Variants in GNB1 observed in about 807,000 individuals in gnomAD.
The protein encoded by GNB1 is guanine nucleotide-binding protein G(I)/G(S)/G(T) subunit beta-1.
Under a neutral mutation model 42.9 loss-of-function variants are expected in GNB1, and 2 were observed. That is an observed-to-expected ratio of 0.05 (90% CI 0.02 to 0.15). The LOEUF is 0.15. Among genes scored for constraint, GNB1 ranks in the 10% least tolerant of loss-of-function variants. The pLI, the probability that GNB1 is intolerant of heterozygous loss-of-function variation, is 1.00. For synonymous variants in GNB1, 183 were observed against 174.7 expected (o/e 1.05, Z -0.38); for missense variants, 193 against 462.2 (o/e 0.42, Z 5.34).
intron 1 of GNB1, among the ~76,000 whole-genome samples, chr1:1,852,296 TCGGCTCACTGCAAGCTCCGCCTCC>T (rs1210842275): frequency 6.6e-6 from 1 of 151,948 alleles, no homozygotes; most frequent in Non-Finnish European, 1.5e-5. Flanking sequence ...TGGCGCCATC[TCGGCTCACTGCAAGCTCCGCCTCC>T]CGGGTTCACA....
intron 3 of GNB1, among the ~76,000 whole-genome samples, chr1:1,820,580 A>G (rs1646918931): frequency 6.6e-6 from 1 of 152,164 alleles, no homozygotes; most frequent in South Asian, 2.1e-4. Flanking sequence ...AATGAATTTT[A>G]CTGGCAAGTA....
At chr1:1,853,110 CCT>C (rs1396352738) in intron 1 of GNB1, among the ~76,000 whole-genome samples, 2 of 152,106 alleles carry the variant, frequency 1.3e-5, no homozygotes, top group Non-Finnish European at 2.9e-5. Context: ...CCCTCCTGCC[CCT>C]GTGCTCCACT....
chr1:1,812,165 T>G (rs975569606), intron 5 of GNB1, among the ~76,000 whole-genome samples: 1 of 151,504 alleles, frequency 6.6e-6, no homozygotes, highest in African/African-American at 2.4e-5. Flanking sequence ...AATATGAAGA[T>G]TAAAGAAAAT....
chr1:1,824,223 G>C (rs1646968060), intron 3 of GNB1, among the ~76,000 whole-genome samples: 1 of 152,130 alleles, frequency 6.6e-6, no homozygotes, highest in Non-Finnish European at 1.5e-5. Context: ...AGCAGTTTCA[G>C]AAAGGAAACA....
chr1:1,885,675 G>C lies in GNB1; in HGVS notation c.-96+5145C>G, dbSNP rs1570765045. ...GGGTTCACGCCATTCTCCTGCCTCA[G>C]CCTCCCAAGTAGCTGGGACTACAGG... On this transcript the variant is annotated intron_variant, in intron 1 of 11. Transcript: ENST00000378609. 2.1e-5 allele frequency among the ~76,000 whole-genome samples: 3 copies of C among 145,828 alleles called. No individual in the cohort carries two copies. In the South Asian group the frequency reaches 6.6e-4, roughly 32 times the overall value.
At chr1:1,842,304 T>A (rs1018808367) in intron 1 of GNB1, among the ~76,000 whole-genome samples, 2 of 151,880 alleles carry the variant, frequency 1.3e-5, no homozygotes. Context: ...GTGGCGGGCG[T>A]CTGTAGTCCC....
intron 2 of GNB1, among the ~76,000 whole-genome samples, chr1:1,833,121 T>C (rs967833027): frequency 3.3e-5 from 5 of 152,120 alleles, no homozygotes; most frequent in African/African-American, 4.8e-5. Context: ...GAGCCTCCTG[T>C]GCAGCACTGG....
intron 1 of GNB1, among the ~76,000 whole-genome samples, chr1:1,843,672 C>T (rs1437618742): frequency 6.6e-6 from 1 of 152,062 alleles, no homozygotes. Context: ...ACAAGATGAC[C>T]CAAATGTATG....
chr1:1,793,552 G>T, intron 7 of GNB1: 1 of 366,630 alleles, frequency 2.7e-6, no homozygotes, highest in Admixed American at 4.0e-5. Flanking sequence ...TCCGTGATGG[G>T]GGCAGAAGCA....
At chr1:1,801,959 C>A (rs1557887829) in intron 7 of GNB1, among the ~76,000 whole-genome samples, 4 of 152,124 alleles carry the variant, frequency 2.6e-5, no homozygotes, top group Admixed American at 6.6e-5. Flanking sequence ...CAACAAAGAG[C>A]ATTATGAGTG....
chr1:1,810,826 C>T (rs1200907648), intron 5 of GNB1, among the ~76,000 whole-genome samples: 1 of 151,442 alleles, frequency 6.6e-6, no homozygotes, highest in Non-Finnish European at 1.5e-5. Context: ...CACCATGAAG[C>T]CTAGTTAACT....
intron 8 of GNB1, among the ~76,000 whole-genome samples, chr1:1,791,334 G>A (rs552289028): frequency 2.8e-4 from 42 of 152,188 alleles, no homozygotes; most frequent in African/African-American, 9.4e-4. Flanking sequence ...ACCATGCCCG[G>A]CTAATTTTGT....
intron 1 of GNB1, among the ~76,000 whole-genome samples, chr1:1,846,599 T>C (rs1417874552): frequency 1.3e-5 from 2 of 152,160 alleles, no homozygotes; most frequent in South Asian, 2.1e-4. Flanking sequence ...AGAGTCTCAC[T>C]GTCACCCAAG....
At chr1:1,855,986 G>A (rs776684825) in intron 1 of GNB1, among the ~76,000 whole-genome samples, 3 of 152,216 alleles carry the variant, frequency 2.0e-5, no homozygotes, top group Admixed American at 6.5e-5. Flanking sequence ...GACTCATGGC[G>A]TAAAGCAGCC....
chr1:1,857,922 T>C (rs754107230), intron 1 of GNB1, among the ~76,000 whole-genome samples: 2 of 152,174 alleles, frequency 1.3e-5, no homozygotes, highest in African/African-American at 2.4e-5. Flanking sequence ...GTTATGGGAA[T>C]GTGGTCTCTC....
intron 1 of GNB1, among the ~76,000 whole-genome samples, chr1:1,856,723 G>A (rs1039587517): frequency 3.3e-5 from 5 of 152,192 alleles, no homozygotes; most frequent in African/African-American, 1.2e-4. Flanking sequence ...ACTGCGCCTG[G>A]CCTAGAATTT....
At chr1:1,888,868 T>A (rs934734527) in intron 1 of GNB1, among the ~76,000 whole-genome samples, 5 of 152,064 alleles carry the variant, frequency 3.3e-5, no homozygotes, top group African/African-American at 1.2e-4. Flanking sequence ...TGCCTTAGCA[T>A]AAACCAAGAC....
intron 7 of GNB1, among the ~76,000 whole-genome samples, chr1:1,800,685 A>G (rs951918333): frequency 6.6e-6 from 1 of 152,106 alleles, no homozygotes; most frequent in Non-Finnish European, 1.5e-5. Context: ...CCAAAGTGCA[A>G]TAAATGCAAA....
At chr1:1,813,848 C>A (rs370452121) in intron 5 of GNB1, among the ~76,000 whole-genome samples, 1 of 152,198 alleles carries the variant, frequency 6.6e-6, no homozygotes, top group East Asian at 1.9e-4. Flanking sequence ...TGTATATTTA[C>A]GGAGTACAAT....
Sources: gnomAD v4.1 joint callset for allele counts (sites outside exome capture counted in the v4.1 genomes callset) on GRCh38, gnomAD v4.1.1 for gene constraint, MANE v1.5 for transcripts, NCBI Gene and HGNC (gene_info 2026-07-23, HGNC 2026-07-21) for gene names.